PTPRT: variants seen among roughly 807,000 people sequenced by gnomAD.
PTPRT encodes the protein protein tyrosine phosphatase receptor type T, also known as receptor-type tyrosine-protein phosphatase T.
PTPRT carries 56 observed loss-of-function variants against 176.8 expected under a neutral mutation model. That is an observed-to-expected ratio of 0.32 (90% confidence interval 0.26 to 0.40). PTPRT has a LOEUF of 0.40. Among genes scored for constraint, PTPRT ranks in the 10% least tolerant of loss-of-function variants. The probability of loss-of-function intolerance (pLI) is 1.00; values close to 1 mark genes in which losing one functional copy is unlikely to be tolerated. For missense variants in PTPRT, 1,540 were observed against 1,908.2 expected (o/e 0.81, Z 3.60); for synonymous variants, 783 against 739.0 (o/e 1.06, Z -0.96).
chr20:42,513,634 T>C (rs1020213533), intron 7 of PTPRT, among the ~76,000 whole-genome samples: 4 of 152,166 alleles, frequency 2.6e-5, no homozygotes, highest in Non-Finnish European at 5.9e-5. Flanking sequence ...CTGGGAAATA[T>C]ATATGCTACA....
chr20:42,809,379 T>C (rs1433339824), intron 2 of PTPRT, among the ~76,000 whole-genome samples: 1 of 152,124 alleles, frequency 6.6e-6, no homozygotes, highest in African/African-American at 2.4e-5. Flanking sequence ...GGATGGCTGC[T>C]CTTCACTCAC....
chr20:42,672,164 T>A (rs1600584374), intron 7 of PTPRT, among the ~76,000 whole-genome samples: 2 of 152,314 alleles, frequency 1.3e-5, no homozygotes, highest in South Asian at 4.1e-4. Context: ...CCAAAGAAGA[T>A]TAACATTTGA....
At chr20:42,782,624 AT>A in intron 3 of PTPRT, among the ~76,000 whole-genome samples, 1 of 152,310 alleles carries the variant, frequency 6.6e-6, no homozygotes, top group African/African-American at 2.4e-5. Flanking sequence ...CCTTATTAGC[AT>A]TTCTCAAATC....
intron 16 of PTPRT, among the ~76,000 whole-genome samples, chr20:42,165,382 G>T (rs182665573): frequency 4.3e-4 from 66 of 152,342 alleles, no homozygotes; most frequent in Middle Eastern, 3.4e-3. Flanking sequence ...AGCCCTTGAA[G>T]GAGGGGAGAA....
chr20:42,949,121 G>C (rs187606229), intron 1 of PTPRT, among the ~76,000 whole-genome samples: 9 of 152,102 alleles, frequency 5.9e-5, no homozygotes, highest in Non-Finnish European at 7.4e-5. Flanking sequence ...ATGCTTCAAC[G>C]GGGAAACTTA....
rs1982676566 is a variant in PTPRT, at chr20:42,075,422, C to A, written c.*5457G>T. 4.4e-6 allele frequency: 1 copy of A among 227,252 alleles called. No homozygotes were observed. The highest frequency in any genetic ancestry group is 1.8e-4 in the South Asian group (1 of 5,492). The allele number at this position is 227,252 out of a possible 1,614,324, so 14.1% of individuals were successfully genotyped here. A position where few individuals can be genotyped will look rare whatever the true frequency, so the allele number is the denominator to read the frequency against. On this transcript the variant is annotated 3_prime_UTR_variant, in exon 31 of 31. Transcript: ENST00000373187. ...TGTTGACATGACTTAGGAACAGCGTCCTGTTCATGCTTCCTCTTGGGCTCA... is the reference window on the plus strand; with the variant it reads ...TGTTGACATGACTTAGGAACAGCGTACTGTTCATGCTTCCTCTTGGGCTCA...
intron 1 of PTPRT, among the ~76,000 whole-genome samples, chr20:43,065,886 G>A (rs1027065873): frequency 4.6e-5 from 7 of 152,274 alleles, no homozygotes; most frequent in Admixed American, 4.6e-4. Flanking sequence ...GGAAAAAAAG[G>A]TGTCCATAGA....
At position 42,073,611 on chromosome 20, in the gene PTPRT, G is replaced by A. The variant is rs935523287; in HGVS notation, c.*7268C>T. 1 of 220,784 alleles carries A rather than the reference G, an allele frequency of 4.5e-6. No individual in the cohort carries two copies. Among genetic ancestry groups the A allele is most frequent in the Non-Finnish European group, 9.0e-6 (1 of 111,368 alleles). 13.7% of individuals were successfully genotyped at this position (220,784 alleles called of 1,614,324 possible). ...CTGCTCTCATGAGAGATCTACATGGGTATTGGGTCTATGGCAAAGCAGCTG... is the reference window on the plus strand; with the variant it reads ...CTGCTCTCATGAGAGATCTACATGGATATTGGGTCTATGGCAAAGCAGCTG... On this transcript the variant is annotated 3_prime_UTR_variant, in exon 31 of 31. Transcript: ENST00000373187.
At chr20:42,343,273 C>T (rs2058138849) in intron 11 of PTPRT, among the ~76,000 whole-genome samples, 1 of 152,200 alleles carries the variant, frequency 6.6e-6, no homozygotes, top group Non-Finnish European at 1.5e-5. Flanking sequence ...GAAATGTCCT[C>T]ATAGACTCTT....
intron 12 of PTPRT, among the ~76,000 whole-genome samples, chr20:42,303,340 T>C (rs902978456): frequency 1.3e-5 from 2 of 151,862 alleles, no homozygotes; most frequent in African/African-American, 4.8e-5. Flanking sequence ...GGCCAGCAGG[T>C]GTTTCAAGAT....
chr20:42,396,654 C>T (rs1053359227), intron 9 of PTPRT, among the ~76,000 whole-genome samples: 14 of 152,126 alleles, frequency 9.2e-5, no homozygotes, highest in South Asian at 2.1e-4. Context: ...CTCTGCCTCC[C>T]GGGTTCAAGT....
Position 42,633,419 on chromosome 20 carries a change from G to C in PTPRT, c.1153+44447C>G, listed in dbSNP as rs553370960. Among the ~76,000 whole-genome samples the C allele has an allele frequency of 4.7e-4, 72 of 152,150 alleles. 1 individual carries two copies. Among genetic ancestry groups the C allele is most frequent in the African/African-American group, 1.6e-3 (67 of 41,476 alleles). ...GTTTTTAAGAAATGTACACTGCATA[G>C]CTAGATAGCATAGCAGTGTCCATTT... On this transcript the variant is annotated intron_variant, in intron 7 of 30. Transcript: ENST00000373187.
At chr20:42,136,495 T>C (rs1158348420) in intron 18 of PTPRT, among the ~76,000 whole-genome samples, 1 of 152,120 alleles carries the variant, frequency 6.6e-6, no homozygotes, top group East Asian at 1.9e-4. Context: ...CCCGACATTC[T>C]GTGTACCTCC....
At chr20:42,810,035 G>A (rs2077675700) in intron 2 of PTPRT, among the ~76,000 whole-genome samples, 1 of 152,168 alleles carries the variant, frequency 6.6e-6, no homozygotes, top group African/African-American at 2.4e-5. Flanking sequence ...GCTCAGGCCT[G>A]TAATCCTAGC....
intron 11 of PTPRT, among the ~76,000 whole-genome samples, chr20:42,331,352 T>G (rs2057961439): frequency 6.6e-6 from 1 of 152,064 alleles, no homozygotes; most frequent in Admixed American, 6.6e-5. Context: ...GGCGCCTGGA[T>G]GTCTCCCCTT....
intron 14 of PTPRT, among the ~76,000 whole-genome samples, chr20:42,242,917 T>C (rs937257048): frequency 1.3e-5 from 2 of 151,612 alleles, no homozygotes; most frequent in Non-Finnish European, 2.9e-5. Context: ...GACTACAGTA[T>C]GGAGGATAGG....
At chr20:42,714,913 G>A (rs181630098) in intron 6 of PTPRT, among the ~76,000 whole-genome samples, 3 of 152,286 alleles carry the variant, frequency 2.0e-5, no homozygotes, top group African/African-American at 7.2e-5. Flanking sequence ...GTAAAACTCT[G>A]TAAGGTCTAG....
At chr20:42,239,230 G>T (rs2056303796) in intron 14 of PTPRT, among the ~76,000 whole-genome samples, 1 of 151,974 alleles carries the variant, frequency 6.6e-6, no homozygotes. Flanking sequence ...GCCAGGTATT[G>T]TTCTCAGCTT....
chr20:42,829,983 A>G (rs1287254263), intron 2 of PTPRT, among the ~76,000 whole-genome samples: 1 of 152,160 alleles, frequency 6.6e-6, no homozygotes, highest in East Asian at 1.9e-4. Context: ...CAAGCCCAGG[A>G]CCAGAAGGAT....
Sources: gnomAD v4.1 joint callset for allele counts (sites outside exome capture counted in the v4.1 genomes callset) on GRCh38, gnomAD v4.1.1 for gene constraint, MANE v1.5 for transcripts, NCBI Gene and HGNC (gene_info 2026-07-23, HGNC 2026-07-21) for gene names.